The following HIPK2 variants were observed in gnomAD, a reference collection of about 807,000 sequenced individuals.
The protein encoded by HIPK2 is homeodomain-interacting protein kinase 2.
Under a neutral mutation model 113.7 loss-of-function variants are expected in HIPK2, and 27 were observed. That is an observed-to-expected ratio of 0.24 (90% confidence interval 0.17 to 0.33). HIPK2 has a LOEUF of 0.33. Among genes scored for constraint, HIPK2 ranks in the 10% least tolerant of loss-of-function variants. The probability of loss-of-function intolerance (pLI) is 1.00; values close to 1 mark genes in which losing one functional copy is unlikely to be tolerated. For synonymous variants in HIPK2, 631 were observed against 642.2 expected (o/e 0.98, Z 0.26); for missense variants, 1,257 against 1,588.0 (o/e 0.79, Z 3.54).
At chr7:139,575,467 G>GAGCCA in intron 13 of HIPK2, 179 bp from the exon 14 acceptor site, 1 of 239,856 alleles carries the variant, frequency 4.2e-6, no homozygotes, top group Non-Finnish European at 6.7e-6. Flanking sequence ...TGGATGCAGT[G>GAGCCA]GGGCTCTGGC....
intron 5 of HIPK2, among the ~76,000 whole-genome samples, chr7:139,627,148 G>C (rs1480154991): frequency 6.6e-6 from 1 of 152,160 alleles, no homozygotes; most frequent in Non-Finnish European, 1.5e-5. Flanking sequence ...AAGAGTTCTG[G>C]AGACTGGTTG....
chr7:139,647,567 G>A (rs986247483), intron 2 of HIPK2, among the ~76,000 whole-genome samples: 1 of 152,136 alleles, frequency 6.6e-6, no homozygotes, highest in African/African-American at 2.4e-5. Flanking sequence ...GCTTGACATA[G>A]GGAGTTTGTA....
chr7:139,745,300 C>T (rs1168458991), intron 1 of HIPK2, among the ~76,000 whole-genome samples: 1 of 152,138 alleles, frequency 6.6e-6, no homozygotes, highest in Non-Finnish European at 1.5e-5. Flanking sequence ...TGCGACTGTT[C>T]CAAGGATCCC....
chr7:139,597,099 T>C (rs1201752915), intron 11 of HIPK2, 101 bp from the exon 12 acceptor site: 3 of 1,291,148 alleles, frequency 2.3e-6, no homozygotes, highest in Non-Finnish European at 2.1e-6. Flanking sequence ...GCCAAATCTC[T>C]GTAAAACACG....
chr7:139,713,382 C>T (rs1049567199), intron 2 of HIPK2, among the ~76,000 whole-genome samples: 4 of 152,160 alleles, frequency 2.6e-5, no homozygotes, highest in Non-Finnish European at 5.9e-5. Flanking sequence ...TGCGACCTGT[C>T]TCCTCAGCAC....
At chr7:139,742,055 G>C (rs1796111899) in intron 1 of HIPK2, among the ~76,000 whole-genome samples, 1 of 152,158 alleles carries the variant, frequency 6.6e-6, no homozygotes. Flanking sequence ...TCAAACACAT[G>C]TCAGTATGAC....
Position 139,768,699 on chromosome 7 carries a change from C to G in HIPK2, c.19+8906G>C, listed in dbSNP as rs111455419. Among the ~76,000 whole-genome samples the G allele has an allele frequency of 2.7e-3, 416 of 152,216 alleles. 4 individuals are homozygous for G. Among genetic ancestry groups the G allele is most frequent in the African/African-American group, 9.6e-3 (397 of 41,536 alleles). ...AGCACTGTGGGCTGCAAGGGGACCA[C>G]GAGAACCAGAACTCAGGAGCTTCCG... On this transcript the variant is annotated intron_variant, in intron 1 of 14. Coordinates refer to ENST00000406875, the MANE Select transcript of HIPK2 (RefSeq NM_022740.5).
intron 1 of HIPK2, among the ~76,000 whole-genome samples, chr7:139,746,380 C>G (rs1324749443): frequency 2.0e-5 from 3 of 152,140 alleles, no homozygotes; most frequent in Non-Finnish European, 4.4e-5. Flanking sequence ...CTCTTTGGGC[C>G]TAACAGTGCT....
At position 139,573,151 on chromosome 7, in the gene HIPK2, C is replaced by T. The variant is rs1798361985; in HGVS notation, c.3373G>A (p.Gly1125Ser). ...TGCTGCACGGTGTGGCGCGCAGAGC[C>T]TTGCGAGGCCACCAGGTGGGCCACG... is the stretch of plus-strand genomic sequence containing the variant. Reference protein sequence around the residue: ...GTVAHLVASQGSARHTVQHTA... With the variant: ...GTVAHLVASQSSARHTVQHTA... The change falls in exon 15 of 15, where the codon GGC becomes AGC. Residue 1125 changes from glycine (G) to serine (S), a missense_variant. Coordinates refer to ENST00000406875, the MANE Select transcript of HIPK2 (RefSeq NM_022740.5). 6.2e-7 allele frequency: 1 copy of T among 1,611,140 alleles called. No homozygotes were observed. Among genetic ancestry groups the T allele is most frequent in the East Asian group, 2.2e-5 (1 of 44,820 alleles).
chr7:139,646,371 A>AG (rs1461224556), intron 2 of HIPK2, among the ~76,000 whole-genome samples: 3 of 151,968 alleles, frequency 2.0e-5, no homozygotes, highest in Non-Finnish European at 4.4e-5. Context: ...GTGGTTGTAC[A>AG]CACCTGTAGT....
At chr7:139,641,368 CAAA>C (rs1404225110) in intron 2 of HIPK2, among the ~76,000 whole-genome samples, 1 of 88,222 alleles carries the variant, frequency 1.1e-5, no homozygotes. Flanking sequence ...GACTCAGTCT[CAAA>C]AAAAAAAAAA....
rs144484673 is a variant in HIPK2 at position 139,720,009 on chromosome 7, C to G, written c.20-2994G>C. ...TGTCAAGGAGATAAAGCTGAGAACT[C>G]GATACATTTACATGTTGATTCCAAC... On this transcript the variant is annotated intron_variant, in intron 1 of 14. Coordinates refer to ENST00000406875, the MANE Select transcript of HIPK2 (RefSeq NM_022740.5). 7.2e-5 allele frequency among the ~76,000 whole-genome samples: 11 copies of G among 152,314 alleles called. No individual in the cohort carries two copies. The East Asian group carries it at 2.1e-3, about 29-fold the overall frequency.
intron 2 of HIPK2, among the ~76,000 whole-genome samples, chr7:139,650,281 C>T (rs1801408414): frequency 7.0e-6 from 1 of 143,062 alleles, no homozygotes; most frequent in South Asian, 2.2e-4. Flanking sequence ...ACCCAGGAGG[C>T]AGAGGTTGCA....
chr7:139,584,240 C>T (rs557422361), intron 12 of HIPK2, 176 bp from the exon 13 acceptor site: 47 of 328,644 alleles, frequency 1.4e-4, no homozygotes, highest in African/African-American at 8.9e-4. Flanking sequence ...CCTGTGTAGC[C>T]GGCAGCAGGG....
chr7:139,566,718 C>T lies in HIPK2; in HGVS notation c.*6209G>A. ...CCCCTTGAGACAACGCTCATAAAGG[C>T]CTTAGCCCGGGAGTCATGAAAGCAT... On this transcript the variant is annotated 3_prime_UTR_variant, in exon 15 of 15. Transcript: ENST00000406875. This position sits in a 1 kb window ranked among gnomAD's most constrained non-coding sequence, Gnocchi z 4.1. 1 of 152,174 alleles carries T rather than the reference C, an allele frequency of 6.6e-6. No homozygotes were observed. The highest frequency in any genetic ancestry group is 1.9e-4 in the East Asian group (1 of 5,188). The allele number at this position is 152,174 out of a possible 1,614,324, so 9.4% of individuals were successfully genotyped here.
chr7:139,680,038 G>A (rs1029847362), intron 2 of HIPK2, among the ~76,000 whole-genome samples: 1 of 152,168 alleles, frequency 6.6e-6, no homozygotes, highest in Non-Finnish European at 1.5e-5. Flanking sequence ...AGGATACAAG[G>A]AGGCCGGAAG....
intron 2 of HIPK2, among the ~76,000 whole-genome samples, chr7:139,645,412 C>CA (rs1280849024): frequency 2.6e-5 from 4 of 152,196 alleles, no homozygotes; most frequent in Admixed American, 1.3e-4. Flanking sequence ...GTAAAAATGT[C>CA]AAACACAAGT....
At chr7:139,597,804 G>A (rs1799275755) in intron 11 of HIPK2, among the ~76,000 whole-genome samples, 2 of 152,178 alleles carry the variant, frequency 1.3e-5, no homozygotes, top group South Asian at 4.1e-4. Context: ...TGTGATTTTT[G>A]GTAACTTTAG....
At chr7:139,637,059 C>T (rs1367096397) in intron 2 of HIPK2, among the ~76,000 whole-genome samples, 1 of 152,232 alleles carries the variant, frequency 6.6e-6, no homozygotes, top group Non-Finnish European at 1.5e-5. Flanking sequence ...ATTTCTTCAT[C>T]CCCACCATCT....
Sources: allele counts gnomAD v4.1 joint callset (sites outside exome capture counted in the v4.1 genomes callset), GRCh38; gene constraint gnomAD v4.1.1; non-coding constraint Gnocchi (gnomAD v3.1); transcripts MANE v1.5; gene names NCBI Gene and HGNC (gene_info 2026-07-23, HGNC 2026-07-21).